The following MACROD2 variants were observed in gnomAD, a reference collection of about 807,000 sequenced individuals.
The protein encoded by MACROD2 is ADP-ribose glycohydrolase MACROD2.
A neutral mutation model predicts 70.4 loss-of-function variants in MACROD2; 36 were observed. The ratio of observed to expected loss-of-function variants is 0.51; its 90% CI spans 0.39 to 0.68. The LOEUF (loss-of-function observed/expected upper bound fraction) is 0.68. Among genes scored for constraint, MACROD2 ranks in the 30% least tolerant of loss-of-function variants. The pLI is 0.00. For missense variants in MACROD2, 496 were observed against 538.4 expected (o/e 0.92, Z 0.78); for synonymous variants, 172 against 178.8 (o/e 0.96, Z 0.30).
intron 5 of MACROD2, chr20:14,888,279 A>G (rs1474548277): frequency 6.6e-6 from 1 of 152,308 alleles, no homozygotes; most frequent in African/African-American, 2.4e-5. Flanking sequence ...CAAGCCTGCC[A>G]CAGCCATCCT....
chr20:15,973,360 C>T (rs2066259293), intron 13 of MACROD2, among the ~76,000 whole-genome samples: 1 of 152,160 alleles, frequency 6.6e-6, no homozygotes, highest in African/African-American at 2.4e-5. Context: ...AAGAGTTGCA[C>T]ATTAGCCTGA....
At chr20:14,635,945 T>A (rs1033584194) in intron 4 of MACROD2, among the ~76,000 whole-genome samples, 1 of 152,174 alleles carries the variant, frequency 6.6e-6, no homozygotes, top group African/African-American at 2.4e-5. Flanking sequence ...ATACAAAATT[T>A]TAGGAACATG....
intron 3 of MACROD2, among the ~76,000 whole-genome samples, chr20:14,100,734 TATAA>T (rs2054290082): frequency 1.5e-5 from 2 of 135,620 alleles, no homozygotes; most frequent in East Asian, 3.9e-4. Flanking sequence ...ATATAATATA[TATAA>T]ATATAATATA....
intron 3 of MACROD2, among the ~76,000 whole-genome samples, chr20:14,294,967 A>G (rs1242285601): frequency 6.6e-6 from 1 of 151,708 alleles, no homozygotes; most frequent in East Asian, 1.9e-4. Context: ...TCTGTGTCAG[A>G]AACAGCCAGT....
intron 8 of MACROD2, among the ~76,000 whole-genome samples, chr20:15,532,859 G>C (rs1266054454): frequency 6.6e-6 from 1 of 152,022 alleles, no homozygotes; most frequent in African/African-American, 2.4e-5. Flanking sequence ...GTTCTCATCT[G>C]TCAATTAAAG....
chr20:15,136,100 T>A (rs1246728717), intron 5 of MACROD2, among the ~76,000 whole-genome samples: 1 of 150,702 alleles, frequency 6.6e-6, no homozygotes, highest in Non-Finnish European at 1.5e-5. Flanking sequence ...TGCTCATGGA[T>A]AGGAAGAATC....
At chr20:14,819,675 AG>A (rs2072817623) in intron 5 of MACROD2, among the ~76,000 whole-genome samples, 1 of 152,126 alleles carries the variant, frequency 6.6e-6, no homozygotes, top group Non-Finnish European at 1.5e-5. Flanking sequence ...GGATCAGAAA[AG>A]GCTTTCTGCA....
intron 13 of MACROD2, among the ~76,000 whole-genome samples, chr20:15,973,352 G>C (rs1202011319): frequency 6.6e-6 from 1 of 151,946 alleles, no homozygotes; most frequent in East Asian, 1.9e-4. Flanking sequence ...GAAGAAGGAA[G>C]AGTTGCACAT....
intron 5 of MACROD2, among the ~76,000 whole-genome samples, chr20:14,825,112 G>C (rs76237261): frequency 6.6e-6 from 1 of 151,894 alleles, no homozygotes; most frequent in Non-Finnish European, 1.5e-5. Flanking sequence ...CTGCAGGCAC[G>C]TCTGCCCTGT....
chr20:15,541,094 C>T (rs539150322), intron 8 of MACROD2, among the ~76,000 whole-genome samples: 13 of 152,216 alleles, frequency 8.5e-5, no homozygotes, highest in African/African-American at 3.1e-4. Flanking sequence ...CTCGTGGAAA[C>T]AGAGAATACA....
chr20:14,029,991 G>A (rs2053226709), intron 2 of MACROD2, among the ~76,000 whole-genome samples: 1 of 152,166 alleles, frequency 6.6e-6, no homozygotes, highest in African/African-American at 2.4e-5. Context: ...GACACAGTGG[G>A]AGGAGGGAGC....
At chr20:15,687,647 G>T (rs367927795) in intron 8 of MACROD2, among the ~76,000 whole-genome samples, 57 of 152,196 alleles carry the variant, frequency 3.7e-4, no homozygotes, top group African/African-American at 1.3e-3. Context: ...GTGCAGGAAG[G>T]CTGACTTAGA....
chr20:14,287,383 A>G (rs2082353340), intron 3 of MACROD2, among the ~76,000 whole-genome samples: 1 of 151,290 alleles, frequency 6.6e-6, no homozygotes, highest in Admixed American at 6.6e-5. Context: ...ATGATTAGGA[A>G]ATGATGATGA....
intron 5 of MACROD2, among the ~76,000 whole-genome samples, chr20:14,818,834 T>G (rs1461414183): frequency 4.2e-5 from 6 of 143,674 alleles, no homozygotes; most frequent in African/African-American, 7.7e-5. Flanking sequence ...GGTTTTTTTT[T>G]TTTTTTTTTT....
chr20:14,492,072 C>A (rs1164457305), intron 3 of MACROD2, among the ~76,000 whole-genome samples: 1 of 152,120 alleles, frequency 6.6e-6, no homozygotes, highest in East Asian at 1.9e-4. Context: ...GTCCTCATGC[C>A]CCTTCAATAA....
chr20:15,902,782 C>T (rs2065085067), intron 10 of MACROD2, among the ~76,000 whole-genome samples: 1 of 152,130 alleles, frequency 6.6e-6, no homozygotes, highest in Admixed American at 6.5e-5. Context: ...ATCCTCCAGT[C>T]CCAAGAAAGC....
At chr20:14,266,921 A>G (rs2082149468) in intron 3 of MACROD2, among the ~76,000 whole-genome samples, 1 of 152,152 alleles carries the variant, frequency 6.6e-6, no homozygotes, top group Admixed American at 6.5e-5. Context: ...TGTAATCAGT[A>G]TTTTTTAGCA....
At chr20:14,282,082 G>A (rs990499122) in intron 3 of MACROD2, among the ~76,000 whole-genome samples, 3 of 151,646 alleles carry the variant, frequency 2.0e-5, no homozygotes, top group African/African-American at 4.8e-5. Context: ...CCTTTTTGCT[G>A]TTTGGCTTCA....
At chr20:15,021,007 C>T (rs2075163999) in intron 5 of MACROD2, among the ~76,000 whole-genome samples, 1 of 146,890 alleles carries the variant, frequency 6.8e-6, no homozygotes, top group African/African-American at 2.5e-5. Flanking sequence ...TATGCATACA[C>T]ATGTGTATAT....
Sources: gnomAD v4.1 joint callset for allele counts (sites outside exome capture counted in the v4.1 genomes callset) on GRCh38, gnomAD v4.1.1 for gene constraint, MANE v1.5 for transcripts, NCBI Gene and HGNC (gene_info 2026-07-23, HGNC 2026-07-21) for gene names.